CTNNA2: variants seen among roughly 807,000 people sequenced by gnomAD.
The protein encoded by CTNNA2 is catenin alpha 2.
Under a neutral mutation model 101.0 loss-of-function variants are expected in CTNNA2, and 42 were observed. The observed-to-expected ratio is 0.42, with a 90% confidence interval of 0.32 to 0.54. CTNNA2 has a LOEUF of 0.54. CTNNA2 is among the 20% of genes least tolerant of loss of function. CTNNA2 has a pLI of 0.14. For synonymous variants in CTNNA2, 450 were observed against 456.4 expected, an observed-to-expected ratio of 0.99 and a Z score of 0.18; for missense variants, 871 against 1,223.1, an observed-to-expected ratio of 0.71 and a Z score of 4.29.
At chr2:79,854,213 G>T (rs1056531385) in intron 3 of CTNNA2, among the ~76,000 whole-genome samples, 2 of 152,194 alleles carry the variant, frequency 1.3e-5, no homozygotes, top group African/African-American at 4.8e-5. Context: ...CACAAGAAGT[G>T]AAACCAACCA....
intron 7 of CTNNA2, among the ~76,000 whole-genome samples, chr2:80,276,586 T>C (rs1328914218): frequency 2.0e-5 from 3 of 151,746 alleles, no homozygotes; most frequent in Non-Finnish European, 4.4e-5. Flanking sequence ...CTTTCACTAA[T>C]AGCAGAAGAT....
intron 1 of CTNNA2, among the ~76,000 whole-genome samples, chr2:79,614,799 A>T (rs1352778081): frequency 6.6e-6 from 1 of 152,192 alleles, no homozygotes; most frequent in Non-Finnish European, 1.5e-5. Flanking sequence ...ATTGAAATGT[A>T]TGTGTGTGCA....
chr2:79,995,416 G>A (rs940618152), intron 7 of CTNNA2, among the ~76,000 whole-genome samples: 1 of 152,120 alleles, frequency 6.6e-6, no homozygotes, highest in South Asian at 2.1e-4. Context: ...CAGCCATCTA[G>A]CATCTATATT....
At chr2:79,336,538 C>T (rs1481976351) in intron 3 of CTNNA2, among the ~76,000 whole-genome samples, 1 of 152,200 alleles carries the variant, frequency 6.6e-6, no homozygotes, top group African/African-American at 2.4e-5. Context: ...CCAGACCACT[C>T]ATATGAGTCT....
At chr2:79,796,389 C>A in intron 3 of CTNNA2, among the ~76,000 whole-genome samples, 1 of 109,556 alleles carries the variant, frequency 9.1e-6, no homozygotes, top group African/African-American at 5.4e-5. Context: ...AGCGAGACTC[C>A]GTCTCAAAAA....
intron 9 of CTNNA2, among the ~76,000 whole-genome samples, chr2:80,519,093 C>T (rs1023563875): frequency 2.6e-5 from 4 of 151,906 alleles, no homozygotes; most frequent in African/African-American, 9.7e-5. Flanking sequence ...TAAGGGAATA[C>T]AAGAATAAAC....
chr2:79,344,131 C>G (rs947884387), intron 3 of CTNNA2, among the ~76,000 whole-genome samples: 1 of 152,054 alleles, frequency 6.6e-6, no homozygotes, highest in Non-Finnish European at 1.5e-5. Context: ...GCACACTAAC[C>G]AGAGGGGCAG....
chr2:79,629,282 C>T (rs962573538), intron 1 of CTNNA2, among the ~76,000 whole-genome samples: 6 of 152,184 alleles, frequency 3.9e-5, no homozygotes, highest in Non-Finnish European at 8.8e-5. Flanking sequence ...AAGGTACTGA[C>T]CTATCTTCAA....
intron 7 of CTNNA2, among the ~76,000 whole-genome samples, chr2:80,203,664 T>A (rs1573381192): frequency 6.6e-6 from 1 of 152,220 alleles, no homozygotes; most frequent in Non-Finnish European, 1.5e-5. Flanking sequence ...TGTCTGCAGC[T>A]TTTCCAGGTG....
chr2:79,866,726 G>T (rs528375816), intron 4 of CTNNA2: 1 of 152,148 alleles, frequency 6.6e-6, no homozygotes, highest in South Asian at 2.1e-4. Context: ...CATGCAGCAA[G>T]TTGGTGTCTC....
At chr2:79,790,505 T>C (rs148296971) in intron 3 of CTNNA2, among the ~76,000 whole-genome samples, 1 of 152,252 alleles carries the variant, frequency 6.6e-6, no homozygotes, top group East Asian at 1.9e-4. Flanking sequence ...TACTAATGAA[T>C]TGAGGCGTAA....
At chr2:80,574,822 C>A (rs12618199) in intron 13 of CTNNA2, among the ~76,000 whole-genome samples, 4,267 of 152,248 alleles carry the variant, frequency 0.028, 151 homozygotes, top group East Asian at 0.12. Context: ...TTATTACCCA[C>A]TCCACTATCT....
Position 79,215,091 on chromosome 2 carries a change from T to C in CTNNA2, c.-406+17015T>C, listed in dbSNP as rs192656238. On this transcript the variant is annotated intron_variant, in intron 2 of 21. Coordinates refer to the CTNNA2 transcript ENST00000466387. ...CAGCGTCAGTCTTCAGCTGCTAAGC[T>C]GAGAAGATCTGGGAAGGAGTCAGTC... is the stretch of plus-strand genomic sequence containing the variant. Among the ~76,000 whole-genome samples the C allele has an allele frequency of 7.3e-3, 1,115 of 152,242 alleles. 11 individuals are homozygous for C. Among genetic ancestry groups the C allele is most frequent in the African/African-American group, 0.025 (1,045 of 41,554 alleles).
At chr2:80,339,026 G>A (rs1409649772) in intron 7 of CTNNA2, among the ~76,000 whole-genome samples, 2 of 152,160 alleles carry the variant, frequency 1.3e-5, no homozygotes, top group East Asian at 1.9e-4. Context: ...TACCAGAATG[G>A]CACAATGAGT....
At chr2:79,460,268 A>T (rs114116908) in intron 4 of CTNNA2, among the ~76,000 whole-genome samples, 1 of 152,194 alleles carries the variant, frequency 6.6e-6, no homozygotes, top group African/African-American at 2.4e-5. Flanking sequence ...ACCATGAAAT[A>T]ATCACCTCAG....
intron 3 of CTNNA2, among the ~76,000 whole-genome samples, chr2:79,356,727 G>A (rs1677516677): frequency 6.6e-6 from 1 of 152,086 alleles, no homozygotes; most frequent in Admixed American, 6.6e-5. Flanking sequence ...CCACCATCTA[G>A]AACAATATAG....
At chr2:80,009,414 G>A (rs965226168) in intron 7 of CTNNA2, among the ~76,000 whole-genome samples, 5 of 152,150 alleles carry the variant, frequency 3.3e-5, no homozygotes, top group African/African-American at 4.8e-5. Context: ...TTCACAGCTC[G>A]CAAGTCATTG....
At chr2:79,872,429 A>T (rs1682662904) in intron 5 of CTNNA2, among the ~76,000 whole-genome samples, 1 of 152,164 alleles carries the variant, frequency 6.6e-6, no homozygotes, top group Admixed American at 6.5e-5. Context: ...TTTCTGGACC[A>T]GATGTTCTGA....
intron 4 of CTNNA2, among the ~76,000 whole-genome samples, chr2:79,395,530 T>C (rs1573145332): frequency 1.3e-5 from 2 of 152,192 alleles, no homozygotes; most frequent in African/African-American, 2.4e-5. Flanking sequence ...AGAAAATTTT[T>C]GAATGTTGCC....
Sources: gnomAD v4.1 joint callset for allele counts (sites outside exome capture counted in the v4.1 genomes callset) on GRCh38, gnomAD v4.1.1 for gene constraint, MANE v1.5 for transcripts, NCBI Gene and HGNC (gene_info 2026-07-23, HGNC 2026-07-21) for gene names.